The following CHLSN variants were observed in gnomAD, a reference collection of about 807,000 sequenced individuals.
CHLSN encodes protein cholesin.
At chr7:1,030,187 C>T in the CHLSN span, among the ~76,000 whole-genome samples, 5 of 152,074 alleles carry the variant, frequency 3.3e-5, no homozygotes, top group South Asian at 2.1e-4. Flanking sequence ...GCGCCAACTC[C>T]GCGCATCCAC....
At chr7:1,112,360 G>A in the CHLSN span, among the ~76,000 whole-genome samples, 1 of 152,236 alleles carries the variant, frequency 6.6e-6, no homozygotes, top group Non-Finnish European at 1.5e-5. Flanking sequence ...CCCAGTGCCA[G>A]CTAACAGCTC....
the CHLSN span, among the ~76,000 whole-genome samples, chr7:1,098,429 T>C: frequency 6.6e-6 from 1 of 152,322 alleles, no homozygotes; most frequent in East Asian, 1.9e-4. Context: ...AACAGTGGAA[T>C]ATTACTCTGC....
chr7:1,068,228 C>T, the CHLSN span, among the ~76,000 whole-genome samples: 1 of 152,148 alleles, frequency 6.6e-6, no homozygotes, highest in African/African-American at 2.4e-5. Flanking sequence ...TCACATGTCC[C>T]CAGTTTCCCC....
At chr7:1,085,418 C>T in the CHLSN span, among the ~76,000 whole-genome samples, 1 of 152,162 alleles carries the variant, frequency 6.6e-6, no homozygotes, top group South Asian at 2.1e-4. Context: ...TGCTCCTGGC[C>T]AGCTGTGAGG....
At chr7:1,136,577 C>CATATAAACATAAACAT in the CHLSN span, among the ~76,000 whole-genome samples, 3 of 128,270 alleles carry the variant, frequency 2.3e-5, no homozygotes, top group African/African-American at 9.9e-5. Context: ...TAAACATAAA[C>CATATAAACATAAACAT]ATATATAAAC....
chr7:1,130,443 G>A, the CHLSN span, among the ~76,000 whole-genome samples: 4 of 152,080 alleles, frequency 2.6e-5, no homozygotes, highest in Non-Finnish European at 4.4e-5. Flanking sequence ...CCCGGCCCAC[G>A]CCTGCTGCTG....
chr7:1,133,407 A>C, the CHLSN span, among the ~76,000 whole-genome samples: 2 of 151,562 alleles, frequency 1.3e-5, no homozygotes, highest in Non-Finnish European at 2.9e-5. Context: ...AAAAAAAAAA[A>C]AAAAAACTAT....
chr7:990,939 A>T, the CHLSN span, among the ~76,000 whole-genome samples: 1 of 152,014 alleles, frequency 6.6e-6, no homozygotes, highest in Non-Finnish European at 1.5e-5. Context: ...GGTGGGGTGG[A>T]GGACTCAGGC....
At chr7:1,133,299 G>A in the CHLSN span, among the ~76,000 whole-genome samples, 1 of 150,520 alleles carries the variant, frequency 6.6e-6, no homozygotes, top group African/African-American at 2.5e-5. Flanking sequence ...GGAAGAGTGG[G>A]TGACCACTAA....
chr7:1,071,005 C>G, the CHLSN span, among the ~76,000 whole-genome samples: 1 of 146,758 alleles, frequency 6.8e-6, no homozygotes, highest in Non-Finnish European at 1.6e-5. Flanking sequence ...CACGTGCACA[C>G]GCACATGCAC....
chr7:1,015,682 C>T, the CHLSN span, among the ~76,000 whole-genome samples: 1 of 152,160 alleles, frequency 6.6e-6, no homozygotes, highest in African/African-American at 2.4e-5. Context: ...GTGGGCGGGG[C>T]CAGGACTAAC....
chr7:1,093,444 G>A, the CHLSN span: 1 of 464,716 alleles, frequency 2.2e-6, no homozygotes, highest in South Asian at 1.6e-5. Context: ...CCATCTTCCA[G>A]GATGGCAGCA....
the CHLSN span, among the ~76,000 whole-genome samples, chr7:1,135,254 T>C: frequency 2.6e-5 from 4 of 152,068 alleles, no homozygotes; most frequent in East Asian, 1.9e-4. Flanking sequence ...GCTGATGACT[T>C]TGTTTCCTCT....
At chr7:1,093,074 A>C in the CHLSN span, 1 of 695,340 alleles carries the variant, frequency 1.4e-6, no homozygotes, top group Non-Finnish European at 2.7e-6. Flanking sequence ...AATTGCTACA[A>C]TCCCAAAGCG....
At chr7:1,009,394 G>A in the CHLSN span, among the ~76,000 whole-genome samples, 3,313 of 152,230 alleles carry the variant, frequency 0.022, 120 homozygotes, top group African/African-American at 0.074. Context: ...GCCACAGCCC[G>A]CAAGGCTGTG....
the CHLSN span, chr7:1,044,427 G>C: frequency 6.6e-6 from 1 of 152,174 alleles, no homozygotes; most frequent in East Asian, 1.9e-4. Context: ...TCACTGGTCC[G>C]AGCGGTTCCC....
the CHLSN span, among the ~76,000 whole-genome samples, chr7:1,050,457 G>C: frequency 6.6e-6 from 1 of 152,266 alleles, no homozygotes; most frequent in Non-Finnish European, 1.5e-5. Flanking sequence ...ATCGGTCCCT[G>C]TGGCTTGGGA....
the CHLSN span, among the ~76,000 whole-genome samples, chr7:1,005,944 G>A: frequency 6.6e-6 from 1 of 152,260 alleles, no homozygotes; most frequent in African/African-American, 2.4e-5. Context: ...GGGAGGCAGC[G>A]GTCACCTCGC....
the CHLSN span, among the ~76,000 whole-genome samples, chr7:1,133,071 G>A: frequency 1.3e-5 from 2 of 152,102 alleles, no homozygotes; most frequent in African/African-American, 4.8e-5. Context: ...AACAAGACGT[G>A]GCGTATTCAC....
Sources: allele counts gnomAD v4.1 joint callset (sites outside exome capture counted in the v4.1 genomes callset), GRCh38; gene constraint gnomAD v4.1.1; transcripts MANE v1.5; gene names NCBI Gene and HGNC (gene_info 2026-07-23, HGNC 2026-07-21).